Variants in ADAM2 observed in about 807,000 individuals in gnomAD.
ADAM2 encodes disintegrin and metalloproteinase domain-containing protein 2.
ADAM2 carries 101 observed loss-of-function variants against 99.3 expected under a neutral mutation model. That is an observed-to-expected ratio of 1.02 (90% CI 0.87 to 1.20). The LOEUF (loss-of-function observed/expected upper bound fraction) is 1.20. Among genes scored for constraint, ADAM2 ranks in the 50% most tolerant of loss-of-function variants. The pLI, the probability that ADAM2 is intolerant of heterozygous loss-of-function variation, is 0.00. For missense variants in ADAM2, 948 were observed against 878.7 expected, an observed-to-expected ratio of 1.08 and a Z score of -1.00; for synonymous variants, 323 against 287.6, an observed-to-expected ratio of 1.12 and a Z score of -1.25.
intron 7 of ADAM2, among the ~76,000 whole-genome samples, chr8:39,803,611 C>T (rs1804307133): frequency 6.6e-6 from 1 of 152,102 alleles, no homozygotes; most frequent in Non-Finnish European, 1.5e-5. Context: ...TGGATGATGC[C>T]TCGTTCATTA....
chr8:39,830,625 C>T (rs544523751), intron 3 of ADAM2, among the ~76,000 whole-genome samples: 1 of 152,008 alleles, frequency 6.6e-6, no homozygotes, highest in Non-Finnish European at 1.5e-5. Flanking sequence ...AGAATCATAC[C>T]TTAAGAATAG....
chr8:39,779,612 TA>T (rs1803138475), intron 10 of ADAM2, among the ~76,000 whole-genome samples: 1 of 152,124 alleles, frequency 6.6e-6, no homozygotes, highest in African/African-American at 2.4e-5. Context: ...ACACTGAATT[TA>T]AAAAATATAT....
chr8:39,757,859 G>A (rs948578482), intron 15 of ADAM2, among the ~76,000 whole-genome samples: 1 of 151,960 alleles, frequency 6.6e-6, no homozygotes, highest in African/African-American at 2.4e-5. Flanking sequence ...AACATAGAGG[G>A]CAAATAAATT....
At chr8:39,806,416 A>G (rs950010079) in intron 7 of ADAM2, among the ~76,000 whole-genome samples, 1 of 151,018 alleles carries the variant, frequency 6.6e-6, no homozygotes, top group African/African-American at 2.4e-5. Context: ...GCCCAACTAT[A>G]TTATATTAAA....
rs559555226 is a variant in ADAM2, at chr8:39,824,831, G to A, written c.255C>T (p.Asp85=). ...YSGTGIMKPL[D]QDFQNFCHYQ... is the part of the protein sequence containing the mutation. ...ATAAAAAACATACCTGAAAATCTTG[G>A]TCAAGTGGTTTCATAATTCCTGTGC... The change falls in exon 4 of 21, where the codon GAC becomes GAT. Residue 85 remains aspartate (D), a synonymous_variant. Coordinates refer to ENST00000265708, the MANE Select transcript of ADAM2 (RefSeq NM_001464.5). 6.4e-7 allele frequency: 1 copy of A among 1,564,662 alleles called. No homozygotes were observed. The highest frequency in any genetic ancestry group is 8.8e-7 in the Non-Finnish European group (1 of 1,141,322).
chr8:39,838,116 G>T lies in ADAM2; in HGVS notation c.55+15C>A. 6.2e-7 allele frequency: 1 copy of T among 1,613,958 alleles called. No individual in the cohort carries two copies. The highest frequency in any genetic ancestry group is 8.5e-7 in the Non-Finnish European group (1 of 1,179,906). ...GAGGGTCCCAAAAGGCCAGAGGAGGGGTTTTTCTGCTTACTACTGTCCATC... is the reference window on the plus strand; with the variant it reads ...GAGGGTCCCAAAAGGCCAGAGGAGGTGTTTTTCTGCTTACTACTGTCCATC... On this transcript the variant is annotated intron_variant, in intron 1 of 20. Coordinates refer to ENST00000265708, the MANE Select transcript of ADAM2 (RefSeq NM_001464.5).
intron 18 of ADAM2, among the ~76,000 whole-genome samples, chr8:39,748,160 A>G (rs1823551737): frequency 6.6e-6 from 1 of 152,176 alleles, no homozygotes; most frequent in African/African-American, 2.4e-5. Context: ...CAAGAAGTGA[A>G]TGAGAGAATG....
chr8:39,746,126 A>T (rs1212774979), intron 19 of ADAM2, among the ~76,000 whole-genome samples: 1 of 152,112 alleles, frequency 6.6e-6, no homozygotes, highest in East Asian at 1.9e-4. Flanking sequence ...CCCAGGCTCA[A>T]GTGATCCTCC....
intron 15 of ADAM2, among the ~76,000 whole-genome samples, chr8:39,758,147 C>T (rs1463254373): frequency 3.3e-5 from 5 of 151,944 alleles, no homozygotes; most frequent in African/African-American, 1.2e-4. Context: ...CAGAGATTTA[C>T]ATGAATGAAT....
intron 16 of ADAM2, among the ~76,000 whole-genome samples, chr8:39,751,201 T>C (rs1801927427): frequency 6.6e-6 from 1 of 152,152 alleles, no homozygotes; most frequent in African/African-American, 2.4e-5. Flanking sequence ...GTGGTAGTAG[T>C]ATAAAAAGTA....
intron 18 of ADAM2, among the ~76,000 whole-genome samples, chr8:39,747,474 G>C (rs1263371179): frequency 1.3e-5 from 2 of 152,020 alleles, no homozygotes; most frequent in African/African-American, 4.8e-5. Context: ...TACTTAGAAG[G>C]CCTTTTGTAT....
intron 7 of ADAM2, among the ~76,000 whole-genome samples, chr8:39,801,906 G>A (rs1343256652): frequency 2.0e-5 from 3 of 152,120 alleles, no homozygotes; most frequent in Non-Finnish European, 4.4e-5. Flanking sequence ...ATAGAAATGG[G>A]TGCCGCCCTT....
At chr8:39,837,260 G>T (rs929598633) in intron 1 of ADAM2, 48 bp from the exon 2 acceptor site, 2 of 1,379,944 alleles carry the variant, frequency 1.4e-6, no homozygotes, top group South Asian at 1.3e-5. Flanking sequence ...CATCATTTCA[G>T]AGCGTGTTTT....
intron 15 of ADAM2, among the ~76,000 whole-genome samples, chr8:39,757,794 T>A (rs1010894463): frequency 6.6e-6 from 1 of 152,204 alleles, no homozygotes; most frequent in African/African-American, 2.4e-5. Flanking sequence ...ATTAGTCATA[T>A]TATATGATAC....
chr8:39,787,567 TAC>T, intron 9 of ADAM2, among the ~76,000 whole-genome samples: 1 of 82,192 alleles, frequency 1.2e-5, no homozygotes, highest in East Asian at 5.5e-4. Flanking sequence ...CACATATATA[TAC>T]ACACATAATA....
chr8:39,821,209 C>T (rs769303077), intron 5 of ADAM2, 39 bp from the exon 6 acceptor site: 5 of 1,382,614 alleles, frequency 3.6e-6, no homozygotes, highest in Admixed American at 2.4e-5. Context: ...TAAAACAATG[C>T]CTTGTGGAAA....
chr8:39,797,266 T>C (rs778047092), intron 7 of ADAM2, among the ~76,000 whole-genome samples: 3 of 152,222 alleles, frequency 2.0e-5, no homozygotes, highest in Non-Finnish European at 2.9e-5. Context: ...TTTCTGCATA[T>C]GGCTAGCCAG....
At chr8:39,817,498 C>T (rs1805003297) in intron 6 of ADAM2, among the ~76,000 whole-genome samples, 1 of 151,852 alleles carries the variant, frequency 6.6e-6, no homozygotes. Context: ...TTGAATGTTC[C>T]CAACATAAAC....
chr8:39,835,413 G>A (rs995458854), intron 2 of ADAM2, among the ~76,000 whole-genome samples: 2 of 90,582 alleles, frequency 2.2e-5, no homozygotes, highest in Non-Finnish European at 4.7e-5. Flanking sequence ...GGCCATGTGC[G>A]GTGGCTCACG....
Sources: gnomAD v4.1 joint callset for allele counts (sites outside exome capture counted in the v4.1 genomes callset) on GRCh38, gnomAD v4.1.1 for gene constraint, MANE v1.5 for transcripts, NCBI Gene and HGNC (gene_info 2026-07-23, HGNC 2026-07-21) for gene names.